ENTREP2: variants seen among roughly 807,000 people sequenced by gnomAD.
ENTREP2 encodes the protein protein ENTREP2.
At chr15:29,360,630 T>G in the ENTREP2 span, among the ~76,000 whole-genome samples, 3 of 152,190 alleles carry the variant, frequency 2.0e-5, no homozygotes, top group Middle Eastern at 3.2e-3. Flanking sequence ...AGTTGACACA[T>G]CACCCTGCAC....
the ENTREP2 span, among the ~76,000 whole-genome samples, chr15:29,559,710 T>C: frequency 1.3e-5 from 2 of 152,168 alleles, no homozygotes; most frequent in African/African-American, 4.8e-5. Context: ...GACTCAGATC[T>C]TCTGTCTCCC....
chr15:29,301,147 GTT>G, the ENTREP2 span, among the ~76,000 whole-genome samples: 1 of 152,096 alleles, frequency 6.6e-6, no homozygotes, highest in African/African-American at 2.4e-5. Context: ...ATCAACAGGA[GTT>G]TTTTGACAGT....
the ENTREP2 span, among the ~76,000 whole-genome samples, chr15:29,632,026 G>A: frequency 2.0e-5 from 3 of 152,206 alleles, no homozygotes; most frequent in South Asian, 2.1e-4. Flanking sequence ...AAGGACTTCC[G>A]TCCTGTGGGC....
At chr15:29,275,086 C>T in the ENTREP2 span, among the ~76,000 whole-genome samples, 1,345 of 152,270 alleles carry the variant, frequency 8.8e-3, 27 homozygotes, top group African/African-American at 0.031. Flanking sequence ...AATTCAAATG[C>T]CCTTCTTGCA....
At chr15:29,129,592 C>T in the ENTREP2 span, among the ~76,000 whole-genome samples, 3 of 152,250 alleles carry the variant, frequency 2.0e-5, no homozygotes, top group Non-Finnish European at 4.4e-5. Flanking sequence ...AAGCGATCCT[C>T]AGGCCTCAGC....
the ENTREP2 span, among the ~76,000 whole-genome samples, chr15:29,498,303 G>T: frequency 6.6e-6 from 1 of 152,072 alleles, no homozygotes; most frequent in East Asian, 1.9e-4. Context: ...AGAATGGACT[G>T]ATATACCCAA....
the ENTREP2 span, among the ~76,000 whole-genome samples, chr15:29,470,101 A>G: frequency 2.0e-5 from 3 of 152,244 alleles, no homozygotes; most frequent in East Asian, 5.8e-4. Flanking sequence ...GGAGCCTAAG[A>G]CAAGATCAAA....
At chr15:29,456,790 G>A in the ENTREP2 span, among the ~76,000 whole-genome samples, 1 of 152,224 alleles carries the variant, frequency 6.6e-6, no homozygotes, top group African/African-American at 2.4e-5. Flanking sequence ...AGATCCTGAG[G>A]AGTAAGATCA....
chr15:29,553,273 GCAA>G, the ENTREP2 span, among the ~76,000 whole-genome samples: 1 of 152,172 alleles, frequency 6.6e-6, no homozygotes, highest in Non-Finnish European at 1.5e-5. Context: ...TCCAGCCTGG[GCAA>G]CAGAGCAAGA....
chr15:29,126,252 G>C, the ENTREP2 span: 4 of 1,454,776 alleles, frequency 2.7e-6, no homozygotes, highest in Admixed American at 2.7e-5. Flanking sequence ...ACATGGGTGA[G>C]CCTGGCCAAC....
the ENTREP2 span, among the ~76,000 whole-genome samples, chr15:29,453,016 T>C: frequency 9.3e-4 from 142 of 152,080 alleles, no homozygotes; most frequent in Non-Finnish European, 7.6e-4. Context: ...CGAGCAAACA[T>C]GAAAGGAAAT....
At chr15:29,624,126 T>G in the ENTREP2 span, among the ~76,000 whole-genome samples, 1 of 152,256 alleles carries the variant, frequency 6.6e-6, no homozygotes, top group Non-Finnish European at 1.5e-5. Context: ...ACTGGTACTT[T>G]CGACTTGGTT....
At chr15:29,344,971 C>CACA in the ENTREP2 span, among the ~76,000 whole-genome samples, 1 of 148,396 alleles carries the variant, frequency 6.7e-6, no homozygotes. Flanking sequence ...CACACACACA[C>CACA]GTCTGTGTTT....
the ENTREP2 span, chr15:29,375,202 C>T: frequency 6.6e-6 from 1 of 152,174 alleles, no homozygotes; most frequent in Non-Finnish European, 1.5e-5. Context: ...AGGTAAAACT[C>T]TTCTGCATGC....
the ENTREP2 span, among the ~76,000 whole-genome samples, chr15:29,340,089 G>A: frequency 6.6e-6 from 1 of 152,234 alleles, no homozygotes; most frequent in East Asian, 1.9e-4. Context: ...CTGCTTCCAA[G>A]TTGCTGCAAG....
At chr15:29,214,387 T>C in the ENTREP2 span, among the ~76,000 whole-genome samples, 1 of 152,122 alleles carries the variant, frequency 6.6e-6, no homozygotes, top group Non-Finnish European at 1.5e-5. Flanking sequence ...ATGTCCTTTG[T>C]AGGGACATGG....
At chr15:29,303,046 C>A in the ENTREP2 span, among the ~76,000 whole-genome samples, 4 of 152,108 alleles carry the variant, frequency 2.6e-5, no homozygotes, top group Non-Finnish European at 5.9e-5. Flanking sequence ...AAAGGGGCCG[C>A]TTCTACTCGG....
At chr15:29,227,230 G>C in the ENTREP2 span, among the ~76,000 whole-genome samples, 6 of 152,208 alleles carry the variant, frequency 3.9e-5, no homozygotes, top group Non-Finnish European at 7.3e-5. Context: ...CTGGAATATA[G>C]TTCATTAAAA....
At chr15:29,162,995 G>A in the ENTREP2 span, among the ~76,000 whole-genome samples, 3 of 152,148 alleles carry the variant, frequency 2.0e-5, no homozygotes, top group Admixed American at 2.0e-4. Flanking sequence ...ACTCTGTGCA[G>A]ACAACCCTCA....
Sources: gnomAD v4.1 joint callset for allele counts (sites outside exome capture counted in the v4.1 genomes callset) on GRCh38, gnomAD v4.1.1 for gene constraint, MANE v1.5 for transcripts, NCBI Gene and HGNC (gene_info 2026-07-23, HGNC 2026-07-21) for gene names.